SEMA3D: variants seen among roughly 807,000 people sequenced by gnomAD.
The protein encoded by SEMA3D is semaphorin-3D.
A neutral mutation model predicts 100.1 loss-of-function variants in SEMA3D; 84 were observed. The observed-to-expected ratio is 0.84, with a 90% CI of 0.70 to 1.01. SEMA3D has a LOEUF of 1.01. Ranked by LOEUF, SEMA3D falls within the 50% of genes least tolerant of loss-of-function variation. The pLI, the probability that SEMA3D is intolerant of heterozygous loss-of-function variation, is 0.00. For missense variants in SEMA3D, 875 were observed against 934.1 expected, an observed-to-expected ratio of 0.94 and a Z score of 0.82; for synonymous variants, 312 against 320.7, an observed-to-expected ratio of 0.97 and a Z score of 0.29.
At chr7:85,075,622 T>G (rs190031497) in intron 5 of SEMA3D, among the ~76,000 whole-genome samples, 1 of 152,102 alleles carries the variant, frequency 6.6e-6, no homozygotes, top group African/African-American at 2.4e-5. Context: ...AAAAAGTATG[T>G]GTGAATCTTG....
chr7:85,022,311 A>C, intron 13 of SEMA3D, 80 bp downstream of exon 13: 1 of 916,448 alleles, frequency 1.1e-6, no homozygotes, highest in Non-Finnish European at 1.8e-6. Context: ...TTGACCAATA[A>C]ATATTTTTGA....
chr7:85,035,237 T>C (rs1790661145), intron 12 of SEMA3D, among the ~76,000 whole-genome samples: 1 of 151,306 alleles, frequency 6.6e-6, no homozygotes, highest in Non-Finnish European at 1.5e-5. Context: ...TATGATACAT[T>C]TATACATACA....
chr7:85,052,360 C>A (rs60104581), intron 9 of SEMA3D, among the ~76,000 whole-genome samples: 8 of 152,052 alleles, frequency 5.3e-5, no homozygotes, highest in African/African-American at 1.9e-4. Flanking sequence ...TTCTTATCAA[C>A]CAACTTACCA....
the SEMA3D span, among the ~76,000 whole-genome samples, chr7:85,245,046 G>A: frequency 1.3e-5 from 2 of 152,128 alleles, no homozygotes; most frequent in African/African-American, 4.8e-5. Flanking sequence ...AACATGAAGT[G>A]ACAAGTCCTT....
At chr7:85,246,499 G>C in the SEMA3D span, among the ~76,000 whole-genome samples, 1 of 151,650 alleles carries the variant, frequency 6.6e-6, no homozygotes, top group East Asian at 1.9e-4. Flanking sequence ...ACTAATTGGT[G>C]AAAAATGAAT....
At chr7:85,234,934 C>G in the SEMA3D span, among the ~76,000 whole-genome samples, 1 of 152,320 alleles carries the variant, frequency 6.6e-6, no homozygotes, top group African/African-American at 2.4e-5. Context: ...GGCTGGCTAG[C>G]GGCCCTCGGG....
rs563310910 is a variant in SEMA3D, at chr7:84,999,788, C to T, written c.1986G>A (p.Met662Ile). 3.0e-5 allele frequency: 49 copies of T among 1,613,976 alleles called. No homozygotes were observed. The highest frequency in any genetic ancestry group is 3.8e-5 in the Non-Finnish European group (45 of 1,179,954). Residue 662 changes from methionine to isoleucine, a missense_variant, in exon 19 of 19, where the codon ATG becomes ATA. Physicochemically the swap from Met to Ile is conservative, Grantham distance 10. Transcript: ENST00000284136. ...IRSLQKKDSGMYYCKAQEHTF... is the reference protein window; with the variant it reads ...IRSLQKKDSGIYYCKAQEHTF... ...TGTGCTCCTGGGCTTTGCAGTAATA[C>T]ATCCCAGAATCCTTCTTCTGCAAAC...
chr7:85,150,689 C>T (rs1490862429), intron 2 of SEMA3D, among the ~76,000 whole-genome samples: 1 of 151,752 alleles, frequency 6.6e-6, no homozygotes, highest in African/African-American at 2.4e-5. Flanking sequence ...CTAGCTTTTG[C>T]TACATTTATA....
chr7:85,154,208 CAG>C (rs1790515850), intron 1 of SEMA3D, among the ~76,000 whole-genome samples: 1 of 152,046 alleles, frequency 6.6e-6, no homozygotes, highest in South Asian at 2.1e-4. Flanking sequence ...AAGGAATGTT[CAG>C]ACACTACAGA....
chr7:85,192,964 T>C, the SEMA3D span, among the ~76,000 whole-genome samples: 1 of 152,150 alleles, frequency 6.6e-6, no homozygotes, highest in African/African-American at 2.4e-5. Context: ...AAACTTACAA[T>C]TCTAAGAAAA....
intron 9 of SEMA3D, chr7:85,050,278 T>C (rs1791127434): frequency 6.6e-6 from 1 of 152,640 alleles, no homozygotes; most frequent in South Asian, 2.1e-4. Context: ...AAGATCTGTG[T>C]TATTTACCAT....
chr7:85,144,778 T>C (rs1790155359), intron 2 of SEMA3D: 1 of 560,538 alleles, frequency 1.8e-6, no homozygotes, highest in Non-Finnish European at 2.3e-6. Flanking sequence ...TTCATAGAAT[T>C]TGATTAGGAT....
chr7:85,112,741 T>C (rs904678465), intron 3 of SEMA3D, among the ~76,000 whole-genome samples: 2 of 152,170 alleles, frequency 1.3e-5, no homozygotes, highest in Admixed American at 6.6e-5. Flanking sequence ...GTCTGAATAG[T>C]GTACCTGGGC....
the SEMA3D span, among the ~76,000 whole-genome samples, chr7:85,226,613 G>C: frequency 2.0e-5 from 3 of 152,002 alleles, no homozygotes; most frequent in African/African-American, 7.2e-5. Context: ...CTCATAGTTT[G>C]TTTTGGTGGA....
In SEMA3D at chr7:85,186,919, G is replaced by C. The variant is rs1474908546; in HGVS notation, c.-414C>G. 6.5e-6 allele frequency: 1 copy of C among 152,714 alleles called. No individual in the cohort carries two copies. Among genetic ancestry groups the C allele is most frequent in the African/African-American group, 2.4e-5 (1 of 41,462 alleles). The allele number at this position is 152,714 out of a possible 1,614,324, so 9.5% of individuals were successfully genotyped here. ...CTGCCTCCCCCGAGAGCCGCGCTAG[G>C]ACAGGCGGAGAGCAAGGCACCAGCT... On this transcript the variant is annotated 5_prime_UTR_variant, in exon 1 of 19. Coordinates refer to ENST00000284136, the MANE Select transcript of SEMA3D (RefSeq NM_001384900.1).
Position 85,073,040 on chromosome 7 carries a change from G to A in SEMA3D, c.417C>T (p.Asn139=), listed in dbSNP as rs1029763874. 1 of 1,611,902 alleles carries A rather than the reference G, an allele frequency of 6.2e-7. No individual in the cohort carries two copies. The highest frequency in any genetic ancestry group is 8.5e-7 in the Non-Finnish European group (1 of 1,178,482). The change falls in exon 6 of 19, where the codon AAC becomes AAT. Residue 139 remains asparagine, a synonymous_variant. Coordinates refer to ENST00000284136, the MANE Select transcript of SEMA3D (RefSeq NM_001384900.1). ...TTCCACACACATATATGTGAGTTTT[G>A]TTATAGGGCTGAAGTACTCTGATGA... ...ANFIRVLQPY[N]KTHIYVCGTG... is the part of the protein sequence containing the mutation.
intron 17 of SEMA3D, among the ~76,000 whole-genome samples, chr7:85,011,920 G>T (rs1027729030): frequency 1.3e-5 from 2 of 151,640 alleles, no homozygotes; most frequent in Non-Finnish European, 2.9e-5. Flanking sequence ...TGATAAATGT[G>T]TTCTTCTTCC....
At chr7:85,228,192 G>GT in the SEMA3D span, among the ~76,000 whole-genome samples, 19 of 151,880 alleles carry the variant, frequency 1.3e-4, no homozygotes, top group African/African-American at 4.3e-4. Context: ...ATATTTTGAG[G>GT]TTTTCTATTC....
the SEMA3D span, among the ~76,000 whole-genome samples, chr7:85,236,410 C>A: frequency 6.6e-6 from 1 of 151,576 alleles, no homozygotes; most frequent in Non-Finnish European, 1.5e-5. Context: ...CCATTTCAAG[C>A]AATGCTCCTG....
Sources: gnomAD v4.1 joint callset for allele counts (sites outside exome capture counted in the v4.1 genomes callset) on GRCh38, gnomAD v4.1.1 for gene constraint, MANE v1.5 for transcripts, NCBI Gene and HGNC (gene_info 2026-07-23, HGNC 2026-07-21) for gene names.